Variants in CNGB3 observed in about 807,000 individuals in gnomAD.
CNGB3 encodes the protein cyclic nucleotide-gated channel beta-3.
CNGB3 carries 86 observed loss-of-function variants against 92.8 expected under a neutral mutation model. The ratio of observed to expected loss-of-function variants is 0.93; its 90% CI spans 0.78 to 1.11. The LOEUF (loss-of-function observed/expected upper bound fraction) is 1.11. Among genes scored for constraint, CNGB3 ranks in the 50% least tolerant of loss-of-function variants. CNGB3 has a pLI of 0.00. For missense variants in CNGB3, 1,026 were observed against 956.8 expected (o/e 1.07, Z -0.95); for synonymous variants, 333 against 332.7 (o/e 1.00, Z -0.01).
At chr8:86,579,925 T>C (rs1401029947) in intron 15 of CNGB3, among the ~76,000 whole-genome samples, 4 of 152,194 alleles carry the variant, frequency 2.6e-5, no homozygotes, top group Non-Finnish European at 4.4e-5. Flanking sequence ...TTGAGATGCA[T>C]TGCCACCTTT....
rs753251909 is a variant in CNGB3 at position 86,575,821 on chromosome 8, C to G, written c.2413G>C (p.Glu805Gln). 6.2e-6 allele frequency: 10 copies of G among 1,613,836 alleles called. No homozygotes were observed. The South Asian group carries it at 1.1e-4, about 18-fold the overall frequency. The change falls in exon 18 of 18, where the codon GAA (glutamate) becomes CAA (glutamine). Residue 805 changes from glutamate (E) to glutamine (Q), a missense_variant. Glu to Gln is a conservative substitution (Grantham distance 29). Transcript: ENST00000320005. The stretch of plus-strand genomic sequence containing the variant: ...TCAAACATTTATTGCTTAGCCTTTT[C>G]TTTGACTTCAATAGTAAGAACCTCT... ...GEEVLTIEVK[E>Q]KAKQ
chr8:86,686,579 C>G (rs1402052852), intron 3 of CNGB3, among the ~76,000 whole-genome samples: 1 of 152,054 alleles, frequency 6.6e-6, no homozygotes, highest in Non-Finnish European at 1.5e-5. Flanking sequence ...GAAAGCAAAA[C>G]TGTGTAAGAA....
intron 10 of CNGB3, among the ~76,000 whole-genome samples, chr8:86,636,235 C>T (rs551636862): frequency 4.7e-4 from 72 of 151,898 alleles, no homozygotes; most frequent in African/African-American, 1.7e-3. Context: ...AACTGGAGTT[C>T]AGTATTTGTT....
At chr8:86,616,943 TC>T (rs1350137672) in intron 13 of CNGB3, among the ~76,000 whole-genome samples, 9 of 152,202 alleles carry the variant, frequency 5.9e-5, no homozygotes, top group Non-Finnish European at 1.5e-5. Context: ...CACTCTTGTA[TC>T]CTTAGTGTCT....
At chr8:86,660,512 C>G (rs1255014838) in intron 6 of CNGB3, 10 of 531,948 alleles carry the variant, frequency 1.9e-5, no homozygotes, top group Non-Finnish European at 3.5e-5. Context: ...GGCAGCATGT[C>G]CAGAGGGACG....
chr8:86,743,256 C>A (rs1239316667), intron 1 of CNGB3, among the ~76,000 whole-genome samples: 2 of 152,170 alleles, frequency 1.3e-5, no homozygotes, highest in Non-Finnish European at 2.9e-5. Flanking sequence ...TGAAAATCAG[C>A]AATGAGAAGT....
chr8:86,687,021 C>T (rs1436012094), intron 3 of CNGB3, among the ~76,000 whole-genome samples: 1 of 152,042 alleles, frequency 6.6e-6, no homozygotes, highest in Non-Finnish European at 1.5e-5. Context: ...GTAAAGTCAT[C>T]TCTGAAGATG....
intron 17 of CNGB3, among the ~76,000 whole-genome samples, chr8:86,577,601 C>T (rs1821683776): frequency 6.6e-6 from 1 of 152,096 alleles, no homozygotes; most frequent in Admixed American, 6.5e-5. Flanking sequence ...CAATGTATAA[C>T]TTTGTTTCAT....
rs1823782445 is a variant in CNGB3 at position 86,668,185 on chromosome 8, A to T, written c.494-17T>A. 1 of 1,613,380 alleles carries T rather than the reference A, an allele frequency of 6.2e-7. No homozygotes were observed. Among genetic ancestry groups the T allele is most frequent in the African/African-American group, 1.3e-5 (1 of 74,870 alleles). The stretch of plus-strand genomic sequence containing the variant: ...TGGGCTTTGCTTCATAGGGAAAAAA[A>T]AAAAGATGAAACATTTGAAGAGGTT... On this transcript the variant is annotated splice_polypyrimidine_tract_variant and intron_variant, in intron 4 of 17. Transcript: ENST00000320005.
At chr8:86,735,042 GTTTTTTTTTTTT>G (rs60107723) in intron 2 of CNGB3, among the ~76,000 whole-genome samples, 30 of 85,872 alleles carry the variant, frequency 3.5e-4, no homozygotes, top group Admixed American at 9.3e-4. Flanking sequence ...AATGCCGGTG[GTTTTTTTTTTTT>G]TTTTTTTTTT....
chr8:86,652,430 C>G lies in CNGB3; in HGVS notation c.903+1582G>C, dbSNP rs563981697. ...TTAATAATAAAGTAAACCTAGCTCA[C>G]TGTAACTATTTTACTTTATAAGCTT... On this transcript the variant is annotated intron_variant, in intron 7 of 17. Transcript: ENST00000320005. 5.3e-5 allele frequency among the ~76,000 whole-genome samples: 8 copies of G among 152,046 alleles called. No homozygotes were observed. In the East Asian group the frequency reaches 1.5e-3, roughly 29 times the overall value.
chr8:86,677,304 C>A (rs1041258438), intron 3 of CNGB3, among the ~76,000 whole-genome samples: 1 of 152,158 alleles, frequency 6.6e-6, no homozygotes, highest in African/African-American at 2.4e-5. Context: ...ATTATGATAA[C>A]ATATGGACAA....
chr8:86,621,244 A>G (rs1822721261), intron 13 of CNGB3, among the ~76,000 whole-genome samples: 1 of 152,248 alleles, frequency 6.6e-6, no homozygotes, highest in African/African-American at 2.4e-5. Flanking sequence ...TCATTCAGGT[A>G]TAACGAGTTT....
intron 15 of CNGB3, among the ~76,000 whole-genome samples, chr8:86,581,281 T>A (rs1268143801): frequency 6.6e-6 from 1 of 152,170 alleles, no homozygotes; most frequent in Non-Finnish European, 1.5e-5. Context: ...TCATAACTGG[T>A]AAGAATGCTT....
In CNGB3 at chr8:86,710,252, A is replaced by G. The variant is rs2131657841; in HGVS notation, c.338+16279T>C. ...AAATCTGTGCACTGTAAATCAATGT[A>G]CTACTTTTGCTATTTCCCATGCCTG... is the stretch of plus-strand genomic sequence containing the variant. On this transcript the variant is annotated intron_variant, in intron 3 of 17. Coordinates refer to ENST00000320005, the MANE Select transcript of CNGB3 (RefSeq NM_019098.5). Among the ~76,000 whole-genome samples, 3 of 152,342 alleles carry G rather than the reference A, an allele frequency of 2.0e-5. 1 individual carries two copies. In the South Asian group the frequency reaches 6.2e-4, roughly 32 times the overall value.
At chr8:86,700,984 G>A (rs1448771887) in intron 3 of CNGB3, among the ~76,000 whole-genome samples, 1 of 152,232 alleles carries the variant, frequency 6.6e-6, no homozygotes, top group East Asian at 1.9e-4. Flanking sequence ...ATAGTTTCTG[G>A]ATAATTATCA....
At chr8:86,703,309 A>G (rs1192529746) in intron 3 of CNGB3, among the ~76,000 whole-genome samples, 1 of 152,252 alleles carries the variant, frequency 6.6e-6, no homozygotes, top group Admixed American at 6.5e-5. Context: ...TTAAAATGAA[A>G]AAAAGAGAGT....
rs1586043359 is a variant in CNGB3 at position 86,735,047 on chromosome 8, T to G, written c.211+4608A>C. Among the ~76,000 whole-genome samples, 20 of 89,776 alleles carry G rather than the reference T, an allele frequency of 2.2e-4. 1 individual carries two copies. Among genetic ancestry groups the G allele is most frequent in the African/African-American group, 3.9e-4 (12 of 30,726 alleles). The allele number at this position is 89,776 out of a possible 152,430, so 58.9% of individuals were successfully genotyped here. On this transcript the variant is annotated intron_variant, in intron 2 of 17. Transcript: ENST00000320005. Reference sequence around the variant, plus strand: ...CAAATTCTCAAATGCCGGTGGTTTTTTTTTTTTTTTTTTTTTTTTTTTTGT... The same window carrying G: ...CAAATTCTCAAATGCCGGTGGTTTTGTTTTTTTTTTTTTTTTTTTTTTTGT...
At chr8:86,689,285 T>C (rs113503692) in intron 3 of CNGB3, among the ~76,000 whole-genome samples, 5 of 152,032 alleles carry the variant, frequency 3.3e-5, no homozygotes, top group African/African-American at 1.2e-4. Flanking sequence ...TAAAATTTCA[T>C]TAGTTCTGTT....
Sources: gnomAD v4.1 joint callset for allele counts (sites outside exome capture counted in the v4.1 genomes callset) on GRCh38, gnomAD v4.1.1 for gene constraint, MANE v1.5 for transcripts, NCBI Gene and HGNC (gene_info 2026-07-23, HGNC 2026-07-21) for gene names.